GPR158: variants seen among roughly 807,000 people sequenced by gnomAD.
GPR158 encodes the protein metabotropic glycine receptor.
In GPR158, 30 loss-of-function variants were observed where a neutral mutation model predicts 78.2. That is an observed-to-expected ratio of 0.38 (90% confidence interval 0.29 to 0.52). The LOEUF (loss-of-function observed/expected upper bound fraction) is 0.52. Among genes scored for constraint, GPR158 ranks in the 20% least tolerant of loss-of-function variants. The pLI is 0.83. For synonymous variants in GPR158, 581 were observed against 591.1 expected (o/e 0.98, Z 0.25); for missense variants, 1,463 against 1,523.5 (o/e 0.96, Z 0.66).
intron 5 of GPR158, among the ~76,000 whole-genome samples, chr10:25,547,890 TAGTA>T (rs1164632902): frequency 6.6e-5 from 10 of 152,220 alleles, no homozygotes; most frequent in African/African-American, 2.4e-4. Context: ...GTCTAGCATA[TAGTA>T]AGTGTTGCCT....
chr10:25,200,265 C>T (rs574837186), intron 1 of GPR158, among the ~76,000 whole-genome samples: 5 of 152,094 alleles, frequency 3.3e-5, no homozygotes, highest in South Asian at 4.2e-4. Context: ...TAATGATTAG[C>T]GATGTTGAGC....
At chr10:25,478,881 T>G (rs1032681013) in intron 5 of GPR158, among the ~76,000 whole-genome samples, 14 of 147,924 alleles carry the variant, frequency 9.5e-5, no homozygotes, top group African/African-American at 3.5e-4. Context: ...CACCTATGAG[T>G]GAGAACATGC....
intron 2 of GPR158, among the ~76,000 whole-genome samples, chr10:25,380,968 C>A (rs950255595): frequency 2.0e-5 from 3 of 152,064 alleles, no homozygotes; most frequent in Non-Finnish European, 4.4e-5. Context: ...ATGCAGATAA[C>A]CTTAACATTT....
chr10:25,451,444 T>C (rs898332129), intron 4 of GPR158, among the ~76,000 whole-genome samples: 2 of 152,224 alleles, frequency 1.3e-5, no homozygotes, highest in Non-Finnish European at 2.9e-5. Flanking sequence ...TTTTTACTTC[T>C]ATTTGTATTT....
intron 1 of GPR158, among the ~76,000 whole-genome samples, chr10:25,206,283 G>A (rs1048830083): frequency 3.9e-5 from 6 of 152,066 alleles, no homozygotes; most frequent in Admixed American, 2.6e-4. Flanking sequence ...CACCGCGCCC[G>A]GCCCAGATAT....
chr10:25,411,926 T>A lies in GPR158; in HGVS notation c.1112-324T>A, dbSNP rs1283721114. 5.8e-5 allele frequency among the ~76,000 whole-genome samples: 5 copies of A among 86,306 alleles called. No individual in the cohort carries two copies. The Admixed American group carries it at 6.4e-4, about 11-fold the overall frequency. 56.6% of individuals were successfully genotyped at this position (86,306 alleles called of 152,430 possible). On this transcript the variant is annotated intron_variant, in intron 3 of 10. Transcript: ENST00000376351. ...TCCAGCCTGGGCGACAGAGCGAGACTCTATCACAAAAAAAAAAAAAAAAAA... is the reference window on the plus strand; with the variant it reads ...TCCAGCCTGGGCGACAGAGCGAGACACTATCACAAAAAAAAAAAAAAAAAA...
chr10:25,544,946 G>A (rs903993859), intron 5 of GPR158, among the ~76,000 whole-genome samples: 1 of 152,164 alleles, frequency 6.6e-6, no homozygotes, highest in Non-Finnish European at 1.5e-5. Flanking sequence ...TTATATGTGA[G>A]AACATGCAGT....
At chr10:25,348,396 G>GACACACACACACACAC (rs34088676) in intron 2 of GPR158, among the ~76,000 whole-genome samples, 2 of 141,692 alleles carry the variant, frequency 1.4e-5, no homozygotes, top group African/African-American at 5.2e-5. Context: ...TAGGAAGAAA[G>GACACACACACACACAC]ACACACACAC....
intron 3 of GPR158, among the ~76,000 whole-genome samples, chr10:25,400,109 T>TA (rs1477629734): frequency 1.3e-5 from 2 of 152,188 alleles, no homozygotes; most frequent in Non-Finnish European, 2.9e-5. Flanking sequence ...GCACCACTGG[T>TA]CTTTAGCACC....
intron 1 of GPR158, among the ~76,000 whole-genome samples, chr10:25,216,116 A>T (rs541120930): frequency 6.6e-6 from 1 of 152,290 alleles, no homozygotes; most frequent in South Asian, 2.1e-4. Flanking sequence ...GCTTGTTCCC[A>T]AAGCCACTAG....
chr10:25,377,694 G>A (rs1328961095), intron 2 of GPR158, among the ~76,000 whole-genome samples: 2 of 151,994 alleles, frequency 1.3e-5, no homozygotes, highest in Non-Finnish European at 2.9e-5. Context: ...TTTATGTTTA[G>A]CATGTATTAG....
intron 5 of GPR158, among the ~76,000 whole-genome samples, chr10:25,531,027 A>C (rs1398830631): frequency 6.6e-6 from 1 of 152,212 alleles, no homozygotes; most frequent in Non-Finnish European, 1.5e-5. Flanking sequence ...ATCCTTTCAG[A>C]TACATGTCTA....
chr10:25,543,429 T>C (rs1401822428), intron 5 of GPR158, among the ~76,000 whole-genome samples: 1 of 152,122 alleles, frequency 6.6e-6, no homozygotes, highest in African/African-American at 2.4e-5. Flanking sequence ...CCAGCAATAC[T>C]TTTTAAAAAC....
chr10:25,241,975 G>A (rs533823327), intron 2 of GPR158, among the ~76,000 whole-genome samples: 5 of 152,224 alleles, frequency 3.3e-5, no homozygotes, highest in Non-Finnish European at 4.4e-5. Context: ...CCTATTCCCC[G>A]TATCTACTTA....
At chr10:25,209,298 A>G (rs1393512351) in intron 1 of GPR158, among the ~76,000 whole-genome samples, 2 of 152,220 alleles carry the variant, frequency 1.3e-5, no homozygotes, top group Non-Finnish European at 1.5e-5. Context: ...ACAAACCTTT[A>G]AATGATCTGT....
At chr10:25,422,564 C>T (rs1834765086) in intron 4 of GPR158, among the ~76,000 whole-genome samples, 1 of 151,302 alleles carries the variant, frequency 6.6e-6, no homozygotes, top group African/African-American at 2.4e-5. Context: ...TAACAAAATT[C>T]CTCATCTGAA....
At chr10:25,378,360 G>T (rs565185216) in intron 2 of GPR158, among the ~76,000 whole-genome samples, 96 of 151,724 alleles carry the variant, frequency 6.3e-4, no homozygotes, top group Non-Finnish European at 1.1e-3. Context: ...AAATGAAATT[G>T]CTTTCTAATC....
chr10:25,407,365 C>G (rs1168401642), intron 3 of GPR158, among the ~76,000 whole-genome samples: 3 of 152,250 alleles, frequency 2.0e-5, no homozygotes, highest in African/African-American at 7.2e-5. Flanking sequence ...TTGGGGGGCC[C>G]TAGGTATCTT....
At chr10:25,319,936 G>C (rs1473402560) in intron 2 of GPR158, among the ~76,000 whole-genome samples, 1 of 150,674 alleles carries the variant, frequency 6.6e-6, no homozygotes, top group Non-Finnish European at 1.5e-5. Context: ...ATAGCAAAAA[G>C]GTGGGCCTAA....
Sources: gnomAD v4.1 joint callset for allele counts (sites outside exome capture counted in the v4.1 genomes callset) on GRCh38, gnomAD v4.1.1 for gene constraint, MANE v1.5 for transcripts, NCBI Gene and HGNC (gene_info 2026-07-23, HGNC 2026-07-21) for gene names.